The following POGZ variants were observed in gnomAD, a reference collection of about 807,000 sequenced individuals.
POGZ encodes the protein pogo transposable element with ZNF domain.
In POGZ, 17 loss-of-function variants were observed where a neutral mutation model predicts 134.6. That is an observed-to-expected ratio of 0.13 (90% CI 0.09 to 0.19). POGZ has a LOEUF of 0.19. Ranked by LOEUF, POGZ falls within the 10% of genes least tolerant of loss-of-function variation. The pLI, the probability that POGZ is intolerant of heterozygous loss-of-function variation, is 1.00. For missense variants in POGZ, 1,306 were observed against 1,769.7 expected, an observed-to-expected ratio of 0.74 and a Z score of 4.70; for synonymous variants, 693 against 657.1, an observed-to-expected ratio of 1.05 and a Z score of -0.84.
chr1:151,435,148 C>T (rs1659369487), intron 3 of POGZ, among the ~76,000 whole-genome samples: 1 of 152,202 alleles, frequency 6.6e-6, no homozygotes, highest in Non-Finnish European at 1.5e-5. Flanking sequence ...GATCTGCCCG[C>T]CTCAAGCCTC....
intron 5 of POGZ, among the ~76,000 whole-genome samples, chr1:151,428,741 T>C (rs772937107): frequency 1.3e-5 from 2 of 152,184 alleles, no homozygotes; most frequent in African/African-American, 4.8e-5. Flanking sequence ...TGGGTGTATA[T>C]AGGCCAAATG....
Position 151,406,243 on chromosome 1 carries a change from G to A in POGZ, c.2792C>T (p.Pro931Leu), listed in dbSNP as rs373783340. Reference protein sequence around the residue: ...PTHPQALALPPLATEGAECLN... With the variant: ...PTHPQALALPLLATEGAECLN... ...ACATTCGGCTCCCTCTGTAGCCAGC[G>A]GTGGAAGGGCTAAAGCCTGCGGGTG... is the stretch of plus-strand genomic sequence containing the variant. Residue 931 changes from proline (P) to leucine (L), a missense_variant, in exon 19 of 19, where the codon CCG becomes CTG. Physicochemically the swap from Pro to Leu is moderately conservative, Grantham distance 98. This residue lies in a region of POGZ where 214 missense variants were observed against 255.5 expected (regional missense o/e 0.84). Transcript: ENST00000271715. The A allele has an allele frequency of 3.0e-5, 49 of 1,614,072 alleles. No homozygotes were observed. Among genetic ancestry groups the A allele is most frequent in the African/African-American group, 2.7e-4 (20 of 75,022 alleles).
Position 151,405,327 on chromosome 1 carries a change from T to C in POGZ, c.3708A>G (p.Ser1236=), listed in dbSNP as rs1653375688. 1 of 1,614,128 alleles carries C rather than the reference T, an allele frequency of 6.2e-7. No individual in the cohort carries two copies. The highest frequency in any genetic ancestry group is 1.1e-5 in the South Asian group (1 of 91,092). ...LVMDCHRTHL[S]EEVLAMLSAS... The stretch of plus-strand genomic sequence containing the variant: ...CACTAAGCATAGCCAGTACCTCTTC[T>C]GACAAGTGAGTGCGATGACAGTCCA... The change falls in exon 19 of 19, where the codon TCA becomes TCG. Residue 1236 remains serine, a synonymous_variant. Transcript: ENST00000271715. The surrounding 1 kb of genome is among the most constrained non-coding windows in gnomAD (Gnocchi z 4.9).
chr1:151,404,783 C>A lies in POGZ; in HGVS notation c.*19G>T, dbSNP rs966762792. ...ACATGTTCCCACCCTCACTCCACAC[C>A]CCCTCATGACCCCAACACTCAAATC... On this transcript the variant is annotated 3_prime_UTR_variant, in exon 19 of 19. Transcript: ENST00000271715. The A allele has an allele frequency of 1.3e-6, 2 of 1,575,920 alleles. No homozygotes were observed. The highest frequency in any genetic ancestry group is 1.7e-6 in the Non-Finnish European group (2 of 1,159,312).
intron 1 of POGZ, among the ~76,000 whole-genome samples, chr1:151,446,742 C>T (rs1191921823): frequency 9.5e-6 from 1 of 105,150 alleles, no homozygotes; most frequent in Non-Finnish European, 1.7e-5. Context: ...GGCGATAGAG[C>T]AAGACTCCAT....
At chr1:151,446,948 CA>C (rs1401216870) in intron 1 of POGZ, among the ~76,000 whole-genome samples, 1 of 152,002 alleles carries the variant, frequency 6.6e-6, no homozygotes, top group Non-Finnish European at 1.5e-5. Context: ...CACTCAGTTT[CA>C]AAAATTATCA....
At chr1:151,456,744 G>C (rs1662820492) in intron 1 of POGZ, among the ~76,000 whole-genome samples, 1 of 152,182 alleles carries the variant, frequency 6.6e-6, no homozygotes, top group African/African-American at 2.4e-5. Flanking sequence ...CCTGAGGTCC[G>C]GAGTTCGAGA....
intron 2 of POGZ, among the ~76,000 whole-genome samples, chr1:151,441,632 T>C (rs1660537617): frequency 6.6e-6 from 1 of 152,186 alleles, no homozygotes; most frequent in African/African-American, 2.4e-5. Flanking sequence ...CCTAAATTTG[T>C]AAACTGTCCA....
In POGZ at chr1:151,427,997, C is replaced by A; in HGVS notation, c.904G>T (p.Val302Phe). The A allele has an allele frequency of 1.9e-6, 3 of 1,614,200 alleles. No homozygotes were observed. The highest frequency in any genetic ancestry group is 2.5e-6 in the Non-Finnish European group (3 of 1,180,044). The change falls in exon 7 of 19, where the codon GTC (valine) becomes TTC (phenylalanine). Residue 302 changes from valine to phenylalanine, a missense_variant. Transcript: ENST00000271715. Reference sequence around the variant, plus strand: ...GTAACACCAGGTCGCTTCACAGTGACAAAGCTGGCAATGCTCACTGCAGGT... The same window carrying A: ...GTAACACCAGGTCGCTTCACAGTGAAAAAGCTGGCAATGCTCACTGCAGGT... ...SPPAVSIASF[V>F]TVKRPGVTGE...
chr1:151,439,953 T>C (rs549576494), intron 3 of POGZ, among the ~76,000 whole-genome samples: 1 of 152,242 alleles, frequency 6.6e-6, no homozygotes, highest in Middle Eastern at 3.4e-3. Flanking sequence ...TAATGGGAAA[T>C]ACAGTCAGTC....
Position 151,406,220 on chromosome 1 carries a change from A to T in POGZ, c.2815T>A (p.Cys939Ser). 1 of 1,614,110 alleles carries T rather than the reference A, an allele frequency of 6.2e-7. No individual in the cohort carries two copies. Among genetic ancestry groups the T allele is most frequent in the Non-Finnish European group, 8.5e-7 (1 of 1,180,018 alleles). ...TCATCCTGATCATCAACATTCAGAC[A>T]TTCGGCTCCCTCTGTAGCCAGCGGT... The part of the protein sequence containing the change: ...LPPLATEGAE[C>S]LNVDDQDEGS... Residue 939 changes from cysteine (C) to serine (S), a missense_variant, in exon 19 of 19, where the codon TGT becomes AGT. Around this residue, in one of 10 missense-constraint regions of POGZ, gnomAD observed 214 missense variants for 255.5 expected, o/e 0.84. Transcript: ENST00000271715.
At chr1:151,439,402 G>T (rs575926814) in intron 3 of POGZ, among the ~76,000 whole-genome samples, 1 of 152,140 alleles carries the variant, frequency 6.6e-6, no homozygotes, top group East Asian at 1.9e-4. Flanking sequence ...AAATCATGGA[G>T]GTTTTAAAGT....
At chr1:151,423,309 A>C in intron 10 of POGZ, 88 bp downstream of exon 10, 1 of 1,118,748 alleles carries the variant, frequency 8.9e-7, no homozygotes, top group East Asian at 2.4e-5. Context: ...ACCCACATGT[A>C]AATAAATATA....
At chr1:151,408,381 C>A in intron 14 of POGZ, 28 bp downstream of exon 14, 2 of 1,570,148 alleles carry the variant, frequency 1.3e-6, no homozygotes, top group Non-Finnish European at 1.7e-6. Context: ...AGTCCCCACC[C>A]GCCCAGCACT....
intron 1 of POGZ, among the ~76,000 whole-genome samples, chr1:151,443,304 CCTTG>C (rs1660813686): frequency 6.6e-6 from 1 of 152,194 alleles, no homozygotes; most frequent in African/African-American, 2.4e-5. Context: ...CCTACTACTA[CCTTG>C]TACGTCTAGT....
chr1:151,451,312 ATTT>A (rs1269060765), intron 1 of POGZ, among the ~76,000 whole-genome samples: 2 of 151,776 alleles, frequency 1.3e-5, no homozygotes, highest in Non-Finnish European at 2.9e-5. Flanking sequence ...CAAATCAATT[ATTT>A]ATTTATTTTA....
rs752799803 is a variant in POGZ at position 151,415,514 on chromosome 1, CA to C, written c.1679-3119del. 2.0e-5 allele frequency among the ~76,000 whole-genome samples: 3 copies of C among 151,232 alleles called. No individual in the cohort carries two copies. The East Asian group carries it at 5.9e-4, about 30-fold the overall frequency. ...TGAAACCCCGTCTCTACTAAAAATG[CA>C]AAAAAATTAGCCGGGCGTGGTGGTG... is the stretch of plus-strand genomic sequence containing the variant. On this transcript the variant is annotated intron_variant, in intron 10 of 18. Transcript: ENST00000271715.
intron 1 of POGZ, among the ~76,000 whole-genome samples, chr1:151,444,570 C>T (rs1359537565): frequency 6.6e-6 from 1 of 152,166 alleles, no homozygotes; most frequent in Non-Finnish European, 1.5e-5. Flanking sequence ...TTTGTCCTGA[C>T]CACTTACAAG....
rs1399751632 is a variant in POGZ, at chr1:151,430,720, G to A, written c.405C>T (p.Ala135=). ...VLRPVQVMQN[A]NHVTSSPVAS... ...CCACAGGGGAACTAGTCACATGATT[G>A]GCATTCTGCATGACCTGAACAGGCC... is the stretch of plus-strand genomic sequence containing the variant. Residue 135 remains alanine (A), a synonymous_variant, in exon 4 of 19, where the codon GCC becomes GCT. Transcript: ENST00000271715. The A allele has an allele frequency of 6.2e-7, 1 of 1,609,846 alleles. No homozygotes were observed. Among genetic ancestry groups the A allele is most frequent in the Non-Finnish European group, 8.5e-7 (1 of 1,178,116 alleles).
Sources: gnomAD v4.1 joint callset for allele counts (sites outside exome capture counted in the v4.1 genomes callset) on GRCh38, gnomAD v4.1.1 for gene constraint, gnomAD v4.1.1 regional missense constraint, Gnocchi (gnomAD v3.1) non-coding constraint, MANE v1.5 for transcripts, NCBI Gene and HGNC (gene_info 2026-07-23, HGNC 2026-07-21) for gene names.